Variants in KCNIP4 observed in about 807,000 individuals in gnomAD.
KCNIP4 encodes Kv channel-interacting protein 4.
In KCNIP4, 12 loss-of-function variants were observed where a neutral mutation model predicts 34.0. The ratio of observed to expected loss-of-function variants is 0.35; its 90% CI spans 0.23 to 0.57. The LOEUF is 0.57. KCNIP4 is among the 20% of genes least tolerant of loss of function. KCNIP4 has a pLI of 0.83. For missense variants in KCNIP4, 238 were observed against 311.7 expected (o/e 0.76, Z 1.78); for synonymous variants, 124 against 102.2 (o/e 1.21, Z -1.29).
Position 21,913,918 on chromosome 4 carries a change from G to T in KCNIP4, c.61+34653C>A, listed in dbSNP as rs141873910. Among the ~76,000 whole-genome samples the T allele has an allele frequency of 2.1e-3, 314 of 152,132 alleles. 2 individuals carry two copies. The highest frequency in any genetic ancestry group is 3.9e-3 in the Non-Finnish European group (262 of 67,992). ...AGTGGGATAGTCCAAATAATATAAG[G>T]ATGGGGAGATAGGTGGAGGGATGTA... On this transcript the variant is annotated intron_variant, in intron 1 of 8. Transcript: ENST00000382152.
chr4:20,754,628 G>A (rs2149351210), intron 4 of KCNIP4, among the ~76,000 whole-genome samples: 1 of 152,156 alleles, frequency 6.6e-6, no homozygotes, highest in Middle Eastern at 3.4e-3. Context: ...TGCCTCATGT[G>A]GTCAGATTTC....
chr4:20,730,801 G>T lies in KCNIP4; in HGVS notation c.706-672C>A, dbSNP rs1363924681. 5.9e-5 allele frequency among the ~76,000 whole-genome samples: 9 copies of T among 152,200 alleles called. No homozygotes were observed. The East Asian group carries it at 1.5e-3, about 26-fold the overall frequency. ...AGGGGACAGACTTTGGGCATTATTGGAGCACTTGTCAGTTGCATGTGAATA... is the reference window on the plus strand; with the variant it reads ...AGGGGACAGACTTTGGGCATTATTGTAGCACTTGTCAGTTGCATGTGAATA... On this transcript the variant is annotated intron_variant, in intron 8 of 8. Transcript: ENST00000382152.
chr4:20,819,195 T>G (rs1716798384), intron 3 of KCNIP4, among the ~76,000 whole-genome samples: 1 of 152,128 alleles, frequency 6.6e-6, no homozygotes, highest in South Asian at 2.1e-4. Flanking sequence ...AAAGAACTTA[T>G]GATATACACA....
At chr4:21,424,408 T>A (rs1337540920) in intron 1 of KCNIP4, among the ~76,000 whole-genome samples, 1 of 151,252 alleles carries the variant, frequency 6.6e-6, no homozygotes, top group Non-Finnish European at 1.5e-5. Flanking sequence ...CCATCTCTAC[T>A]AAAAAAATAA....
At chr4:21,504,475 A>AAAG (rs1733643394) in intron 1 of KCNIP4, among the ~76,000 whole-genome samples, 6 of 101,880 alleles carry the variant, frequency 5.9e-5, no homozygotes, top group East Asian at 2.8e-4. Context: ...CAAAAAAAAA[A>AAAG]AAAGAAAGAA....
At chr4:20,966,634 G>A (rs1170697323) in intron 1 of KCNIP4, among the ~76,000 whole-genome samples, 1 of 152,098 alleles carries the variant, frequency 6.6e-6, no homozygotes, top group East Asian at 1.9e-4. Context: ...AATACCTATG[G>A]ACTATCTCAT....
intron 1 of KCNIP4, among the ~76,000 whole-genome samples, chr4:21,026,634 G>A (rs1003810473): frequency 1.3e-5 from 2 of 152,138 alleles, no homozygotes; most frequent in Admixed American, 6.6e-5. Flanking sequence ...AGCCTGGGGG[G>A]ACAGAGCAAG....
intron 2 of KCNIP4, among the ~76,000 whole-genome samples, chr4:20,858,012 A>G (rs1721788321): frequency 6.6e-6 from 1 of 151,964 alleles, no homozygotes; most frequent in Admixed American, 6.6e-5. Context: ...ATTCGAGACC[A>G]GCCTGGCCAA....
intron 1 of KCNIP4, chr4:21,582,237 G>A (rs1400865680): frequency 6.6e-6 from 1 of 151,972 alleles, no homozygotes. Flanking sequence ...AAAGTCATCT[G>A]ACAAGCATTG....
At chr4:21,528,234 A>G (rs1038669934) in intron 1 of KCNIP4, among the ~76,000 whole-genome samples, 6 of 152,122 alleles carry the variant, frequency 3.9e-5, no homozygotes, top group African/African-American at 1.4e-4. Flanking sequence ...AACTTCATTT[A>G]GAGACTCACC....
At chr4:21,758,609 G>A (rs1717824224) in intron 1 of KCNIP4, among the ~76,000 whole-genome samples, 1 of 152,156 alleles carries the variant, frequency 6.6e-6, no homozygotes, top group Admixed American at 6.5e-5. Flanking sequence ...TGCATAAGTG[G>A]TGAATCCATC....
intron 1 of KCNIP4, among the ~76,000 whole-genome samples, chr4:21,261,732 A>C (rs547308868): frequency 5.3e-5 from 8 of 152,148 alleles, no homozygotes; most frequent in Admixed American, 3.9e-4. Flanking sequence ...CTACGTCTAC[A>C]ATACAAGCTA....
At position 21,294,463 on chromosome 4, in the gene KCNIP4, G is replaced by T. The variant is rs146341576; in HGVS notation, c.62-411754C>A. On this transcript the variant is annotated intron_variant, in intron 1 of 8. Transcript: ENST00000382152. ...ACCAGTAAACCTTCCCCATTTTCCT[G>T]GGCATAATCCAATAAAACTAGAAAA... Among the ~76,000 whole-genome samples the T allele has an allele frequency of 8.0e-4, 122 of 152,070 alleles. 1 individual carries two copies. The highest frequency in any genetic ancestry group is 2.7e-3 in the African/African-American group (110 of 41,484).
intron 3 of KCNIP4, among the ~76,000 whole-genome samples, chr4:20,846,703 G>A (rs1720431112): frequency 6.6e-6 from 1 of 151,954 alleles, no homozygotes; most frequent in Non-Finnish European, 1.5e-5. Flanking sequence ...GACTTCATGC[G>A]ATTCCAATGT....
intron 1 of KCNIP4, among the ~76,000 whole-genome samples, chr4:21,633,150 C>T (rs1286418690): frequency 6.6e-6 from 1 of 152,120 alleles, no homozygotes; most frequent in Non-Finnish European, 1.5e-5. Flanking sequence ...GTTTATTGCA[C>T]CCATTTACAT....
At chr4:21,243,759 G>C (rs1760011308) in intron 1 of KCNIP4, among the ~76,000 whole-genome samples, 1 of 152,150 alleles carries the variant, frequency 6.6e-6, no homozygotes, top group South Asian at 2.1e-4. Context: ...CATATCTCTT[G>C]ATTGTCTGAG....
intron 1 of KCNIP4, among the ~76,000 whole-genome samples, chr4:21,504,989 A>C (rs1733709788): frequency 6.6e-6 from 1 of 152,184 alleles, no homozygotes; most frequent in Non-Finnish European, 1.5e-5. Context: ...AAGTAATAAA[A>C]AGGCATCTAA....
chr4:21,374,389 A>G (rs1237836119), intron 1 of KCNIP4, among the ~76,000 whole-genome samples: 1 of 147,080 alleles, frequency 6.8e-6, no homozygotes, highest in Non-Finnish European at 1.5e-5. Context: ...TTCCCCTTAT[A>G]AAACCATCAG....
intron 1 of KCNIP4, among the ~76,000 whole-genome samples, chr4:21,541,040 G>A (rs543361619): frequency 6.2e-4 from 94 of 151,922 alleles, no homozygotes; most frequent in African/African-American, 2.2e-3. Context: ...GCATGGTGGC[G>A]CATGCCTGTA....
Sources: gnomAD v4.1 joint callset for allele counts (sites outside exome capture counted in the v4.1 genomes callset) on GRCh38, gnomAD v4.1.1 for gene constraint, MANE v1.5 for transcripts, NCBI Gene and HGNC (gene_info 2026-07-23, HGNC 2026-07-21) for gene names.